The following MBD5 variants were observed in gnomAD, a reference collection of about 807,000 sequenced individuals.
The protein encoded by MBD5 is methyl-CpG-binding domain protein 5.
MBD5 carries 13 observed loss-of-function variants against 117.3 expected under a neutral mutation model. That is an observed-to-expected ratio of 0.11 (90% CI 0.07 to 0.18). MBD5 has a LOEUF of 0.18. Among genes scored for constraint, MBD5 ranks in the 10% least tolerant of loss-of-function variants. MBD5 has a pLI of 1.00. For synonymous variants in MBD5, 727 were observed against 766.4 expected (o/e 0.95, Z 0.85); for missense variants, 1,879 against 2,093.8 (o/e 0.90, Z 2.00).
At chr2:148,376,615 GA>G (rs892613791) in intron 4 of MBD5, among the ~76,000 whole-genome samples, 1 of 147,656 alleles carries the variant, frequency 6.8e-6, no homozygotes, top group Non-Finnish European at 1.5e-5. Context: ...TGTTTATGAA[GA>G]AAAAAATTGT....
At chr2:148,043,385 G>A (rs1474874923) in intron 1 of MBD5, among the ~76,000 whole-genome samples, 3 of 151,780 alleles carry the variant, frequency 2.0e-5, no homozygotes, top group African/African-American at 4.8e-5. Flanking sequence ...CCCAGGAGGC[G>A]GAGGTTGCAG....
At chr2:148,030,353 T>C (rs1420958044) in intron 1 of MBD5, among the ~76,000 whole-genome samples, 1 of 152,020 alleles carries the variant, frequency 6.6e-6, no homozygotes, top group East Asian at 1.9e-4. Context: ...AAAACTTAGA[T>C]TTATAGTTTA....
intron 1 of MBD5, among the ~76,000 whole-genome samples, chr2:148,150,823 A>G (rs1037240104): frequency 1.2e-4 from 18 of 152,162 alleles, no homozygotes; most frequent in Non-Finnish European, 2.4e-4. Context: ...GTTGCTTATC[A>G]GCTTAAGGAG....
At chr2:148,333,581 C>A (rs911690822) in intron 3 of MBD5, among the ~76,000 whole-genome samples, 1 of 151,954 alleles carries the variant, frequency 6.6e-6, no homozygotes, top group Non-Finnish European at 1.5e-5. Flanking sequence ...GTGGCTCACA[C>A]CTATAATCCC....
intron 3 of MBD5, among the ~76,000 whole-genome samples, chr2:148,283,844 AC>A (rs1299672610): frequency 1.3e-5 from 2 of 152,154 alleles, no homozygotes; most frequent in Non-Finnish European, 2.9e-5. Context: ...CTGCTTTATA[AC>A]CCCTTTCTTT....
intron 3 of MBD5, among the ~76,000 whole-genome samples, chr2:148,327,892 G>A (rs540934939): frequency 1.5e-4 from 23 of 152,296 alleles, no homozygotes; most frequent in South Asian, 4.2e-4. Context: ...GAGGAACTGC[G>A]TTCCTTTGGA....
chr2:148,498,627 T>A (rs1168517309), intron 11 of MBD5, among the ~76,000 whole-genome samples: 1 of 152,148 alleles, frequency 6.6e-6, no homozygotes, highest in African/African-American at 2.4e-5. Context: ...TGAGCCACCA[T>A]CCCCAGTCAG....
At chr2:148,445,233 C>G (rs1342486551) in intron 4 of MBD5, among the ~76,000 whole-genome samples, 1 of 151,032 alleles carries the variant, frequency 6.6e-6, no homozygotes, top group African/African-American at 2.5e-5. Flanking sequence ...GTGTGCTGCA[C>G]CCATTAACTC....
chr2:148,225,155 C>T (rs1246269623), intron 2 of MBD5, among the ~76,000 whole-genome samples: 2 of 151,984 alleles, frequency 1.3e-5, no homozygotes, highest in Non-Finnish European at 2.9e-5. Flanking sequence ...TTCCTGTCTT[C>T]CCTTCAGTGA....
intron 1 of MBD5, among the ~76,000 whole-genome samples, chr2:148,042,515 A>G (rs905857652): frequency 2.0e-5 from 3 of 152,114 alleles, no homozygotes; most frequent in Non-Finnish European, 4.4e-5. Context: ...GCTTTCAAAA[A>G]TAACAACAGT....
intron 3 of MBD5, among the ~76,000 whole-genome samples, chr2:148,335,004 T>C (rs1702751161): frequency 6.6e-6 from 1 of 152,174 alleles, no homozygotes; most frequent in Non-Finnish European, 1.5e-5. Context: ...CCAGGAACAA[T>C]AACTAGTAGT....
At chr2:148,232,671 A>G (rs1700018178) in intron 2 of MBD5, among the ~76,000 whole-genome samples, 1 of 149,564 alleles carries the variant, frequency 6.7e-6, no homozygotes, top group Admixed American at 6.7e-5. Flanking sequence ...TTTGGTAGAG[A>G]CATAGTCTCA....
intron 4 of MBD5, among the ~76,000 whole-genome samples, chr2:148,364,441 G>A (rs545349932): frequency 2.6e-5 from 4 of 152,150 alleles, no homozygotes; most frequent in South Asian, 4.2e-4. Flanking sequence ...ATCAACTAAC[G>A]GGCAAAATAA....
intron 2 of MBD5, among the ~76,000 whole-genome samples, chr2:148,198,917 A>AAT (rs1446376618): frequency 1.3e-5 from 2 of 151,640 alleles, no homozygotes; most frequent in Non-Finnish European, 2.9e-5. Flanking sequence ...AGTAGGGGGG[A>AAT]ATATATATAT....
chr2:148,511,733 T>C (rs772755568), intron 13 of MBD5, among the ~76,000 whole-genome samples: 12 of 152,246 alleles, frequency 7.9e-5, no homozygotes, highest in Non-Finnish European at 1.8e-4. Flanking sequence ...TTTGGCTCTT[T>C]ACTACAGAAT....
chr2:148,194,966 T>C (rs1698938074), intron 2 of MBD5, among the ~76,000 whole-genome samples: 2 of 152,162 alleles, frequency 1.3e-5, no homozygotes, highest in African/African-American at 4.8e-5. Context: ...GCAAACTTTT[T>C]ATTAAAAGGA....
intron 1 of MBD5, among the ~76,000 whole-genome samples, chr2:148,045,211 C>G (rs1694482129): frequency 1.3e-5 from 2 of 152,092 alleles, no homozygotes; most frequent in African/African-American, 2.4e-5. Context: ...TCATTTATAT[C>G]CACACAGTCA....
chr2:148,488,162 A>G (rs1681397685), intron 10 of MBD5, among the ~76,000 whole-genome samples: 1 of 152,236 alleles, frequency 6.6e-6, no homozygotes, highest in African/African-American at 2.4e-5. Context: ...TAGGACGGGT[A>G]TAGTTGCAGA....
At chr2:148,099,904 G>A (rs1356198353) in intron 1 of MBD5, among the ~76,000 whole-genome samples, 1 of 152,122 alleles carries the variant, frequency 6.6e-6, no homozygotes, top group Non-Finnish European at 1.5e-5. Flanking sequence ...TAATCCAATT[G>A]ATATTTATTG....
Sources: gnomAD v4.1 joint callset for allele counts (sites outside exome capture counted in the v4.1 genomes callset) on GRCh38, gnomAD v4.1.1 for gene constraint, MANE v1.5 for transcripts, NCBI Gene and HGNC (gene_info 2026-07-23, HGNC 2026-07-21) for gene names.